Variants in BAHCC1 observed in about 807,000 individuals in gnomAD.
BAHCC1 encodes BAH domain and coiled-coil containing 1, also known as BAH and coiled-coil domain-containing protein 1.
In BAHCC1, 43 loss-of-function variants were observed where a neutral mutation model predicts 88.2. The observed-to-expected ratio is 0.49, with a 90% CI of 0.38 to 0.63. BAHCC1 has a LOEUF of 0.63. Ranked by LOEUF, BAHCC1 falls within the 20% of genes least tolerant of loss-of-function variation. The pLI is 0.00. For missense variants in BAHCC1, 3,023 were observed against 1,654.8 expected (o/e 1.83, Z -14.34); for synonymous variants, 1,510 against 745.5 (o/e 2.03, Z -16.71).
Position 81,411,542 on chromosome 17 carries a change from TC to T in BAHCC1, c.178+11627del. On this transcript the variant is annotated intron_variant, in intron 2 of 27. Coordinates refer to ENST00000675386, the MANE Select transcript of BAHCC1 (RefSeq NM_001377448.1). This position sits in a 1 kb window ranked among gnomAD's most constrained non-coding sequence, Gnocchi z 6.2. ...TTCCTTCCTTCCTTCCTTCCTTCCTTCCTTCCTTCCTTCCTTCCTTCCTTCC... is the reference window on the plus strand; with the variant it reads ...TTCCTTCCTTCCTTCCTTCCTTCCTTCTTCCTTCCTTCCTTCCTTCCTTCC... 2.6e-6 allele frequency: 1 copy of T among 387,788 alleles called. No individual in the cohort carries two copies. The highest frequency in any genetic ancestry group is 1.9e-5 in the South Asian group (1 of 52,266). 24.0% of individuals were successfully genotyped at this position (387,788 alleles called of 1,614,324 possible).
At chr17:81,457,718 C>T (rs1339023327) in intron 17 of BAHCC1, 126 bp downstream of exon 17, 7 of 559,254 alleles carry the variant, frequency 1.3e-5, no homozygotes, top group Middle Eastern at 9.8e-4. Flanking sequence ...GCTGGGTAAC[C>T]AGGAGGGAGG....
intron 3 of BAHCC1, among the ~76,000 whole-genome samples, chr17:81,430,105 G>A (rs1440475239): frequency 6.6e-6 from 1 of 151,958 alleles, no homozygotes; most frequent in African/African-American, 2.4e-5. Flanking sequence ...CTGGCCAGGG[G>A]CAGAGGTGAG....
Position 81,460,711 on chromosome 17 carries a change from T to C in BAHCC1, c.6202+5T>C, listed in dbSNP as rs2030177535. ...CCATTAGCAAAGACAAAGCTGGTAT[T>C]TTACCGGACTTCCCAGAATCCGGAT... On this transcript the variant is annotated splice_donor_5th_base_variant and intron_variant, in intron 25 of 27. Transcript: ENST00000675386. 1.3e-6 allele frequency: 1 copy of C among 774,178 alleles called. No individual in the cohort carries two copies. The highest frequency in any genetic ancestry group is 1.3e-5 in the South Asian group (1 of 74,078). The allele number at this position is 774,178 out of a possible 1,614,324, so 48.0% of individuals were successfully genotyped here. A position where few individuals can be genotyped will look rare whatever the true frequency, so the allele number is the denominator to read the frequency against.
At chr17:81,416,548 T>C (rs2064033070) in intron 2 of BAHCC1, among the ~76,000 whole-genome samples, 1 of 131,014 alleles carries the variant, frequency 7.6e-6, no homozygotes, top group Non-Finnish European at 1.7e-5. Context: ...TGTTTGTGTG[T>C]ACATGAGGAT....
Position 81,445,468 on chromosome 17 carries a change from G to A in BAHCC1, c.2950G>A (p.Ala984Thr), listed in dbSNP as rs577780233. The A allele has an allele frequency of 2.9e-5, 22 of 755,070 alleles. No individual in the cohort carries two copies. The highest frequency in any genetic ancestry group is 1.6e-4 in the South Asian group (11 of 70,868). 46.8% of individuals were successfully genotyped at this position (755,070 alleles called of 1,614,324 possible). A position where few individuals can be genotyped will look rare whatever the true frequency, so the allele number is the denominator to read the frequency against. Reference sequence around the variant, plus strand: ...CACGGCCCCGGGCGCCCCCTCACCCGCTGCAGGCCCCACCAAGCTGCCACC... The same window carrying A: ...CACGGCCCCGGGCGCCCCCTCACCCACTGCAGGCCCCACCAAGCTGCCACC... ...TPTAPGAPSP[A>T]AGPTKLPPCC... is the part of the protein sequence containing the mutation. Residue 984 changes from alanine (A) to threonine (T), a missense_variant, in exon 10 of 28, where the codon GCT (alanine) becomes ACT (threonine). By Grantham distance (58) the Ala-to-Thr change is moderately conservative. Coordinates refer to ENST00000675386, the MANE Select transcript of BAHCC1 (RefSeq NM_001377448.1).
chr17:81,463,048 C>T, intron 27 of BAHCC1, 72 bp downstream of exon 27: 1 of 717,510 alleles, frequency 1.4e-6, no homozygotes, highest in Non-Finnish European at 2.6e-6. Context: ...GCAGCCAGCA[C>T]TGTGCCCCAA....
chr17:81,421,807 G>C (rs375709591), intron 2 of BAHCC1: 1 of 174,802 alleles, frequency 5.7e-6, no homozygotes, highest in Non-Finnish European at 1.3e-5. Flanking sequence ...CCAGAAGCAA[G>C]AGGCCACCCC....
intron 1 of BAHCC1, chr17:81,396,602 G>A (rs1330854091): frequency 1.3e-5 from 2 of 152,186 alleles, no homozygotes; most frequent in African/African-American, 2.4e-5. Flanking sequence ...AGACGACGCC[G>A]GAGGGAGGCA....
chr17:81,419,172 T>C (rs2064081377), intron 2 of BAHCC1, among the ~76,000 whole-genome samples: 1 of 152,200 alleles, frequency 6.6e-6, no homozygotes. Context: ...GCTGGGCCTC[T>C]AGCCCCTGCC....
Position 81,461,003 on chromosome 17 carries a change from A to G in BAHCC1, c.6340A>G (p.Lys2114Glu). The change falls in exon 26 of 28, where the codon AAG becomes GAG. Residue 2114 changes from lysine (K) to glutamate (E), a missense_variant. Physicochemically the swap from Lys to Glu is moderately conservative, Grantham distance 56. Transcript: ENST00000675386. Reference sequence around the variant, plus strand: ...GCGGAAGGCGGTGGCAGCGGCCAGCAAGGGGCCGGGGGTGCTGCAGAACCT... The same window carrying G: ...GCGGAAGGCGGTGGCAGCGGCCAGCGAGGGGCCGGGGGTGCTGCAGAACCT... ...TKRKAVAAAS[K>E]GPGVLQNLFQ... 1.3e-6 allele frequency: 1 copy of G among 773,304 alleles called. No homozygotes were observed. The highest frequency in any genetic ancestry group is 2.4e-6 in the Non-Finnish European group (1 of 417,076). 47.9% of individuals were successfully genotyped at this position (773,304 alleles called of 1,614,324 possible).
intron 2 of BAHCC1, among the ~76,000 whole-genome samples, chr17:81,424,709 T>C (rs2064154244): frequency 2.0e-5 from 3 of 149,692 alleles, no homozygotes; most frequent in African/African-American, 7.4e-5. Context: ...TTGGTGATGA[T>C]AATGTGGTTG....
At chr17:81,424,961 CA>C (rs2064158862) in intron 2 of BAHCC1, among the ~76,000 whole-genome samples, 1 of 74,580 alleles carries the variant, frequency 1.3e-5, no homozygotes, top group Non-Finnish European at 2.6e-5. Context: ...ATGTGGTTGG[CA>C]TGATGTGGTT....
chr17:81,439,467 C>T (rs902779760), intron 4 of BAHCC1, among the ~76,000 whole-genome samples: 2 of 150,486 alleles, frequency 1.3e-5, no homozygotes, highest in African/African-American at 2.5e-5. Flanking sequence ...AGCAGTTGGA[C>T]GGTGGGGTGA....
rs781960649 is a variant in BAHCC1, at chr17:81,443,179, C to T, written c.1830C>T (p.Gly610=). ...CTGGCGCCTACCTGGACCCCTTTGG[C>T]AGTGGCCTGCAGCAGGCGGCTCTTC... ...RKAGAYLDPF[G]SGLQQAALLP... Residue 610 remains glycine, a synonymous_variant, in exon 5 of 28, where the codon GGC becomes GGT. Transcript: ENST00000675386. 33 of 778,966 alleles carry T rather than the reference C, an allele frequency of 4.2e-5. No individual in the cohort carries two copies. The highest frequency in any genetic ancestry group is 1.4e-4 in the Admixed American group (8 of 58,990). The allele number at this position is 778,966 out of a possible 1,614,324, so 48.3% of individuals were successfully genotyped here. A position where few individuals can be genotyped will look rare whatever the true frequency, so the allele number is the denominator to read the frequency against.
intron 11 of BAHCC1, among the ~76,000 whole-genome samples, chr17:81,451,399 G>T (rs950005232): frequency 4.6e-5 from 7 of 152,200 alleles, no homozygotes; most frequent in African/African-American, 1.4e-4. Flanking sequence ...ATGCTTTGGG[G>T]CCTGTCTTGC....
intron 2 of BAHCC1, chr17:81,413,182 G>T (rs368406740): frequency 7.2e-6 from 3 of 415,082 alleles, no homozygotes; most frequent in African/African-American, 6.3e-5. Context: ...GACCCCACCC[G>T]TGGCTGTGGC....
rs782784199 is a variant in BAHCC1 at position 81,444,655 on chromosome 17, C to T, written c.2513-13C>T. ...GAGTGCGAGGCCTGACCACTGTGCC[C>T]TCTGCCTCCCAGGCCTGGGGCACCC... On this transcript the variant is annotated splice_polypyrimidine_tract_variant and intron_variant, in intron 7 of 27. Transcript: ENST00000675386. 3 of 770,282 alleles carry T rather than the reference C, an allele frequency of 3.9e-6. No homozygotes were observed. Among genetic ancestry groups the T allele is most frequent in the Non-Finnish European group, 7.2e-6 (3 of 417,190 alleles). The allele number at this position is 770,282 out of a possible 1,614,324, so 47.7% of individuals were successfully genotyped here.
At chr17:81,401,250 G>A (rs1047622572) in intron 2 of BAHCC1, 1 of 152,650 alleles carries the variant, frequency 6.6e-6, no homozygotes, top group South Asian at 2.1e-4. Flanking sequence ...CATTTGCAGC[G>A]CCAGGAGATT....
At chr17:81,400,977 G>C (rs1454762807) in intron 2 of BAHCC1, 2 of 152,454 alleles carry the variant, frequency 1.3e-5, no homozygotes, top group African/African-American at 4.8e-5. Context: ...TTTGTTTACA[G>C]TTTGTTCTAA....
Sources: allele counts gnomAD v4.1 joint callset (sites outside exome capture counted in the v4.1 genomes callset), GRCh38; gene constraint gnomAD v4.1.1; non-coding constraint Gnocchi (gnomAD v3.1); transcripts MANE v1.5; gene names NCBI Gene and HGNC (gene_info 2026-07-23, HGNC 2026-07-21).